Variants in KCNAB1 observed in about 807,000 individuals in gnomAD.
KCNAB1 encodes voltage-gated potassium channel subunit beta-1.
Under a neutral mutation model 64.6 loss-of-function variants are expected in KCNAB1, and 35 were observed. The observed-to-expected ratio is 0.54, with a 90% confidence interval of 0.41 to 0.72. KCNAB1 has a LOEUF of 0.72. Ranked by LOEUF, KCNAB1 falls within the 30% of genes least tolerant of loss-of-function variation. KCNAB1 has a pLI of 0.00. For synonymous variants in KCNAB1, 177 were observed against 183.8 expected (o/e 0.96, Z 0.30); for missense variants, 401 against 512.9 (o/e 0.78, Z 2.11).
At chr3:156,183,310 GAAC>G (rs1362275823) in intron 1 of KCNAB1, among the ~76,000 whole-genome samples, 1 of 152,134 alleles carries the variant, frequency 6.6e-6, no homozygotes, top group Non-Finnish European at 1.5e-5. Flanking sequence ...AAGTCTCAAG[GAAC>G]AGGGTTCCGA....
rs546726546 is a variant in KCNAB1 at position 156,219,679 on chromosome 3, C to T, written c.275+98793C>T. On this transcript the variant is annotated intron_variant, in intron 1 of 13. Coordinates refer to ENST00000490337, the MANE Select transcript of KCNAB1 (RefSeq NM_172160.3). Reference sequence around the variant, plus strand: ...TCCTCAGGTTATCTAAAGTCAAAAGCGAAGGAAGGAATCTTTTTATTATTA... The same window carrying T: ...TCCTCAGGTTATCTAAAGTCAAAAGTGAAGGAAGGAATCTTTTTATTATTA... Among the ~76,000 whole-genome samples the T allele has an allele frequency of 1.1e-4, 17 of 150,288 alleles. 1 individual carries two copies. The South Asian group carries it at 2.2e-3, about 19-fold the overall frequency.
intron 1 of KCNAB1, among the ~76,000 whole-genome samples, chr3:156,171,833 C>A (rs564560548): frequency 2.6e-5 from 4 of 152,292 alleles, no homozygotes; most frequent in African/African-American, 9.6e-5. Context: ...AAATGCCTAG[C>A]CTATTGGTGG....
intron 2 of KCNAB1, among the ~76,000 whole-genome samples, chr3:156,449,472 C>T (rs1711832341): frequency 6.6e-6 from 1 of 152,148 alleles, no homozygotes; most frequent in African/African-American, 2.4e-5. Flanking sequence ...ATCACCTCTT[C>T]CAAAATGTGT....
intron 1 of KCNAB1, among the ~76,000 whole-genome samples, chr3:156,353,719 C>T (rs1014542351): frequency 2.6e-5 from 4 of 152,196 alleles, no homozygotes; most frequent in Non-Finnish European, 4.4e-5. Flanking sequence ...CCACATGGGC[C>T]TCTCTAGGGA....
chr3:156,254,099 AC>A (rs1717972326), intron 1 of KCNAB1, among the ~76,000 whole-genome samples: 1 of 152,236 alleles, frequency 6.6e-6, no homozygotes, highest in South Asian at 2.1e-4. Flanking sequence ...CAGAGAACTT[AC>A]GATTTTTATG....
chr3:156,530,173 A>T (rs1334741689), intron 12 of KCNAB1, among the ~76,000 whole-genome samples: 1 of 152,234 alleles, frequency 6.6e-6, no homozygotes, highest in African/African-American at 2.4e-5. Context: ...AGAAAGACAC[A>T]GTAAGAAATT....
chr3:156,534,599 A>G lies in KCNAB1; in HGVS notation c.1171-2059A>G, dbSNP rs548457826. 6.6e-5 allele frequency among the ~76,000 whole-genome samples: 10 copies of G among 152,314 alleles called. No individual in the cohort carries two copies. The South Asian group carries it at 1.5e-3, about 22-fold the overall frequency. Reference sequence around the variant, plus strand: ...CTCTCAACCACTCAGAGCTTCGGCGATAACAGTGGCCCTCTGCCTACAAAC... The same window carrying G: ...CTCTCAACCACTCAGAGCTTCGGCGGTAACAGTGGCCCTCTGCCTACAAAC... On this transcript the variant is annotated intron_variant, in intron 13 of 13. Transcript: ENST00000490337.
At chr3:156,182,405 A>C (rs1339610739) in intron 1 of KCNAB1, among the ~76,000 whole-genome samples, 4 of 152,208 alleles carry the variant, frequency 2.6e-5, no homozygotes, top group Admixed American at 2.6e-4. Flanking sequence ...GGGGCTTTAC[A>C]TGCATATGTG....
intron 1 of KCNAB1, chr3:156,291,913 A>G: frequency 6.2e-7 from 1 of 1,614,104 alleles, no homozygotes; most frequent in Non-Finnish European, 8.5e-7. Flanking sequence ...AAGCAATGCA[A>G]GTCTCCATAG....
chr3:156,198,607 C>A (rs543386699), intron 1 of KCNAB1, among the ~76,000 whole-genome samples: 46 of 135,000 alleles, frequency 3.4e-4, no homozygotes, highest in African/African-American at 1.2e-3. Context: ...ACTACGATTG[C>A]AAACCCTGCT....
intron 1 of KCNAB1, among the ~76,000 whole-genome samples, chr3:156,253,623 T>G (rs1275385519): frequency 1.3e-5 from 2 of 152,226 alleles, no homozygotes; most frequent in African/African-American, 4.8e-5. Context: ...ATTCCCTTTC[T>G]TCTAAGCAGC....
At chr3:156,320,384 C>G (rs920180385) in intron 1 of KCNAB1, among the ~76,000 whole-genome samples, 2 of 152,166 alleles carry the variant, frequency 1.3e-5, no homozygotes, top group African/African-American at 4.8e-5. Context: ...ATGAATGGTG[C>G]AAGCAATTGA....
At chr3:156,245,064 A>T (rs766824687) in intron 1 of KCNAB1, among the ~76,000 whole-genome samples, 23 of 152,224 alleles carry the variant, frequency 1.5e-4, no homozygotes, top group Admixed American at 2.6e-4. Context: ...GCTTTTATTT[A>T]CCATCACCTC....
At chr3:156,306,694 C>T (rs914698885) in intron 1 of KCNAB1, among the ~76,000 whole-genome samples, 7 of 152,222 alleles carry the variant, frequency 4.6e-5, no homozygotes, top group South Asian at 2.1e-4. Flanking sequence ...CTCCCTGCAG[C>T]GTCCAAGGCA....
chr3:156,523,609 G>T, intron 11 of KCNAB1: 1 of 486,266 alleles, frequency 2.1e-6, no homozygotes, highest in East Asian at 3.7e-5. Flanking sequence ...CAATTTGAAT[G>T]GTGAATATTA....
chr3:156,371,236 G>A (rs896414824), intron 1 of KCNAB1, among the ~76,000 whole-genome samples: 1 of 152,120 alleles, frequency 6.6e-6, no homozygotes, highest in Non-Finnish European at 1.5e-5. Flanking sequence ...GAACAGTGTG[G>A]GCTTGGGAGG....
chr3:156,257,408 G>T lies in KCNAB1; in HGVS notation c.275+136522G>T, dbSNP rs147506999. On this transcript the variant is annotated intron_variant, in intron 1 of 13. Coordinates refer to ENST00000490337, the MANE Select transcript of KCNAB1 (RefSeq NM_172160.3). ...AAACAAAATTTCTCCTTTAAAAAGA[G>T]AATTTTATAATAAAAAGGAACTGGA... Among the ~76,000 whole-genome samples, 1,098 of 152,194 alleles carry T rather than the reference G, an allele frequency of 7.2e-3. 15 individuals are homozygous for T. Among genetic ancestry groups the T allele is most frequent in the African/African-American group, 0.025 (1,049 of 41,524 alleles).
chr3:156,148,231 T>C (rs186481012), intron 1 of KCNAB1, among the ~76,000 whole-genome samples: 3 of 152,304 alleles, frequency 2.0e-5, no homozygotes, highest in East Asian at 1.9e-4. Context: ...CCCTACAGCA[T>C]TGACCACCAG....
chr3:156,334,993 A>G (rs1723590002), intron 1 of KCNAB1, among the ~76,000 whole-genome samples: 1 of 152,214 alleles, frequency 6.6e-6, no homozygotes, highest in Admixed American at 6.5e-5. Flanking sequence ...TCCCAAATGC[A>G]TGCTAGAGCC....
Sources: allele counts gnomAD v4.1 joint callset (sites outside exome capture counted in the v4.1 genomes callset), GRCh38; gene constraint gnomAD v4.1.1; transcripts MANE v1.5; gene names NCBI Gene and HGNC (gene_info 2026-07-23, HGNC 2026-07-21).